The following IL1R1 variants were observed in gnomAD, a reference collection of about 807,000 sequenced individuals.
The protein encoded by IL1R1 is interleukin-1 receptor type 1.
In IL1R1, 22 loss-of-function variants were observed where a neutral mutation model predicts 50.2. The ratio of observed to expected loss-of-function variants is 0.44; its 90% CI spans 0.31 to 0.63. IL1R1 has a LOEUF of 0.63. IL1R1 is among the 20% of genes least tolerant of loss of function. The probability of loss-of-function intolerance (pLI) is 0.07; values close to 1 mark genes in which losing one functional copy is unlikely to be tolerated. For missense variants in IL1R1, 509 were observed against 676.2 expected, an observed-to-expected ratio of 0.75 and a Z score of 2.74; for synonymous variants, 251 against 236.7, an observed-to-expected ratio of 1.06 and a Z score of -0.55.
At chr2:102,162,683 A>G (rs964323417) in intron 3 of IL1R1, among the ~76,000 whole-genome samples, 4 of 152,090 alleles carry the variant, frequency 2.6e-5, no homozygotes, top group Admixed American at 6.5e-5. Flanking sequence ...AGTTAAGAGT[A>G]TATACCCATT....
upstream of IL1R1, among the ~76,000 whole-genome samples, chr2:102,104,188 C>T (rs1449895843): frequency 6.6e-6 from 1 of 151,968 alleles, no homozygotes; most frequent in Non-Finnish European, 1.5e-5. Flanking sequence ...TGGTGGCCAC[C>T]ATGAGAAGTG....
chr2:102,175,567 A>C lies in IL1R1; in HGVS notation c.1225A>C (p.Lys409Gln), dbSNP rs1686056608. ...CTCTGACTGTGATATTTTTGTGTTT[A>C]AAGTCTTGCCTGAGGTCTTGGAAAA... The part of the protein sequence containing the change: ...STSDCDIFVF[K>Q]VLPEVLEKQC... Residue 409 changes from lysine to glutamine, a missense_variant, in exon 11 of 12, where the codon AAA becomes CAA. Physicochemically the swap from Lys to Gln is moderately conservative, Grantham distance 53. Coordinates refer to ENST00000410023, the MANE Select transcript of IL1R1 (RefSeq NM_000877.4). 1 of 1,614,050 alleles carries C rather than the reference A, an allele frequency of 6.2e-7. No homozygotes were observed. Among genetic ancestry groups the C allele is most frequent in the Non-Finnish European group, 8.5e-7 (1 of 1,179,922 alleles).
chr2:102,127,699 C>A, intron 1 of IL1R1, among the ~76,000 whole-genome samples: 1 of 146,212 alleles, frequency 6.8e-6, no homozygotes, highest in Admixed American at 6.8e-5. Flanking sequence ...GTGTGTGTAT[C>A]CATGCAACAT....
intron 1 of IL1R1, among the ~76,000 whole-genome samples, chr2:102,081,872 G>A (rs1679224077): frequency 6.6e-6 from 1 of 152,184 alleles, no homozygotes; most frequent in African/African-American, 2.4e-5. Context: ...ATTATCAATG[G>A]CCCATTTGCC....
chr2:102,076,364 AG>A (rs1456906289), intron 1 of IL1R1, among the ~76,000 whole-genome samples: 2 of 152,208 alleles, frequency 1.3e-5, no homozygotes, highest in East Asian at 1.9e-4. Context: ...TTTTTAGTAG[AG>A]ACGGGGTTTC....
chr2:102,132,518 C>T (rs772459558), intron 1 of IL1R1, among the ~76,000 whole-genome samples: 1 of 152,016 alleles, frequency 6.6e-6, no homozygotes, highest in East Asian at 1.9e-4. Context: ...ATAGCCTCCA[C>T]CTTAAGTAAC....
At chr2:102,120,200 C>A (rs1480969383) in intron 1 of IL1R1, among the ~76,000 whole-genome samples, 1 of 151,934 alleles carries the variant, frequency 6.6e-6, no homozygotes, top group East Asian at 1.9e-4. Flanking sequence ...GTTGTGTGAG[C>A]GTATGTGTTT....
chr2:102,109,916 G>A (rs1577866157), intron 1 of IL1R1, among the ~76,000 whole-genome samples: 1 of 152,054 alleles, frequency 6.6e-6, no homozygotes, highest in Non-Finnish European at 1.5e-5. Flanking sequence ...TCTTTGTTTA[G>A]TGTTTCCAGT....
chr2:102,149,429 C>G (rs1006136763), intron 1 of IL1R1, among the ~76,000 whole-genome samples: 1 of 152,216 alleles, frequency 6.6e-6, no homozygotes, highest in Non-Finnish European at 1.5e-5. Context: ...TCTGTTCTCT[C>G]CTCTTGGGCC....
chr2:102,170,070 A>G (rs912849217), intron 7 of IL1R1, among the ~76,000 whole-genome samples: 3 of 152,218 alleles, frequency 2.0e-5, no homozygotes, highest in African/African-American at 7.2e-5. Context: ...CCTAGGCTGC[A>G]TTGATCTCTC....
intron 1 of IL1R1, among the ~76,000 whole-genome samples, chr2:102,126,764 G>C (rs1005242836): frequency 2.6e-5 from 4 of 152,172 alleles, no homozygotes; most frequent in African/African-American, 7.2e-5. Flanking sequence ...ACTGTCTGTA[G>C]AGATTCTGCT....
At chr2:102,077,603 T>C (rs893282849) in intron 1 of IL1R1, among the ~76,000 whole-genome samples, 4 of 152,242 alleles carry the variant, frequency 2.6e-5, no homozygotes, top group Non-Finnish European at 5.9e-5. Context: ...TCTGTGTTAG[T>C]TCTGCATCAG....
intron 1 of IL1R1, among the ~76,000 whole-genome samples, chr2:102,153,166 G>T (rs1683848779): frequency 6.6e-6 from 1 of 152,090 alleles, no homozygotes; most frequent in Non-Finnish European, 1.5e-5. Flanking sequence ...GAAGAGTGAG[G>T]ATACCTGCTT....
At chr2:102,079,970 G>A (rs1449008178) in intron 1 of IL1R1, among the ~76,000 whole-genome samples, 24 of 152,158 alleles carry the variant, frequency 1.6e-4, no homozygotes, top group Admixed American at 1.5e-3. Flanking sequence ...AAAGATGCCA[G>A]CAATTCAGTG....
intron 7 of IL1R1, among the ~76,000 whole-genome samples, chr2:102,170,551 T>A (rs1685584010): frequency 6.6e-6 from 1 of 152,182 alleles, no homozygotes; most frequent in Non-Finnish European, 1.5e-5. Flanking sequence ...GATAATAAAT[T>A]AACATTTAGA....
chr2:102,149,329 A>G (rs1314128429), intron 1 of IL1R1, among the ~76,000 whole-genome samples: 1 of 152,216 alleles, frequency 6.6e-6, no homozygotes, highest in African/African-American at 2.4e-5. Context: ...GTGGAAATGT[A>G]GAAAGTGCAG....
At chr2:102,162,473 AT>A (rs1428143352) in intron 3 of IL1R1, among the ~76,000 whole-genome samples, 2 of 149,632 alleles carry the variant, frequency 1.3e-5, no homozygotes, top group Non-Finnish European at 3.0e-5. Context: ...CAATTCTGTT[AT>A]TTTTTTCTCT....
intron 1 of IL1R1, among the ~76,000 whole-genome samples, chr2:102,134,129 C>T (rs532653760): frequency 1.7e-4 from 26 of 152,294 alleles, no homozygotes; most frequent in African/African-American, 6.3e-4. Flanking sequence ...ATAGCCTTCA[C>T]AATAGCATCC....
rs199705907 is a variant in IL1R1 at position 102,178,665 on chromosome 2, A to C, written c.*1906A>C. On this transcript the variant is annotated 3_prime_UTR_variant, in exon 12 of 12. Coordinates refer to ENST00000410023, the MANE Select transcript of IL1R1 (RefSeq NM_000877.4). The stretch of plus-strand genomic sequence containing the variant: ...CCGAGTCTAGGAATGCTTTTATTCA[A>C]GACACCAAATTCCAAACTTCTAAAT... The C allele has an allele frequency of 5.3e-5, 8 of 152,330 alleles. No individual in the cohort carries two copies. The highest frequency in any genetic ancestry group is 1.0e-4 in the Non-Finnish European group (7 of 68,034). The allele number at this position is 152,330 out of a possible 1,614,324, so 9.4% of individuals were successfully genotyped here.
Sources: allele counts gnomAD v4.1 joint callset (sites outside exome capture counted in the v4.1 genomes callset), GRCh38; gene constraint gnomAD v4.1.1; transcripts MANE v1.5; gene names NCBI Gene and HGNC (gene_info 2026-07-23, HGNC 2026-07-21).